The following BICRAL variants were observed in gnomAD, a reference collection of about 807,000 sequenced individuals.
BICRAL encodes BRD4-interacting chromatin-remodeling complex-associated protein-like.
BICRAL carries 8 observed loss-of-function variants against 91.8 expected under a neutral mutation model. The ratio of observed to expected loss-of-function variants is 0.09; its 90% CI spans 0.05 to 0.16. The LOEUF (loss-of-function observed/expected upper bound fraction) is 0.16. BICRAL is among the 10% of genes least tolerant of loss of function. BICRAL has a pLI of 1.00. For synonymous variants in BICRAL, 445 were observed against 491.1 expected, an observed-to-expected ratio of 0.91 and a Z score of 1.24; for missense variants, 1,038 against 1,310.9, an observed-to-expected ratio of 0.79 and a Z score of 3.21.
chr6:42,832,899 A>G (rs1317748531), intron 6 of BICRAL, among the ~76,000 whole-genome samples: 3 of 152,230 alleles, frequency 2.0e-5, no homozygotes, highest in East Asian at 1.9e-4. Context: ...CATTATTACA[A>G]TACTATAACT....
Position 42,822,083 on chromosome 6 carries a change from A to G in BICRAL, c.41+20A>G. 1 of 1,553,894 alleles carries G rather than the reference A, an allele frequency of 6.4e-7. No homozygotes were observed. ...TATTGGGTAAGATGCTTATTCCAAA[A>G]CCTGGGTAAATCAAATGTGTGAGGT... is the stretch of plus-strand genomic sequence containing the variant. On this transcript the variant is annotated intron_variant, in intron 3 of 12. Transcript: ENST00000314073.
chr6:42,827,742 C>T (rs1764344341), intron 5 of BICRAL, among the ~76,000 whole-genome samples: 2 of 152,110 alleles, frequency 1.3e-5, no homozygotes, highest in South Asian at 2.1e-4. Context: ...AAATTTAACT[C>T]GGTGTGGTGG....
rs2114062104 is a variant in BICRAL, at chr6:42,868,406, A to G, written c.*2960A>G. 1 of 152,464 alleles carries G rather than the reference A, an allele frequency of 6.6e-6. No homozygotes were observed. Among genetic ancestry groups the G allele is most frequent in the Non-Finnish European group, 1.5e-5 (1 of 67,960 alleles). 9.4% of individuals were successfully genotyped at this position (152,464 alleles called of 1,614,324 possible). A position where few individuals can be genotyped will look rare whatever the true frequency, so the allele number is the denominator to read the frequency against. ...AATGTTTTGTAAAAAAAAAAAAACT[A>G]TAACAAATTGCAGTTTATTTTGTTA... On this transcript the variant is annotated 3_prime_UTR_variant, in exon 13 of 13. Transcript: ENST00000314073.
At chr6:42,843,252 G>T (rs906987914) in intron 6 of BICRAL, among the ~76,000 whole-genome samples, 1 of 152,190 alleles carries the variant, frequency 6.6e-6, no homozygotes, top group Non-Finnish European at 1.5e-5. Context: ...GGTTTCCTGA[G>T]GTGGTGGTCT....
intron 6 of BICRAL, among the ~76,000 whole-genome samples, 160 bp from the exon 7 acceptor site, chr6:42,851,932 C>A (rs1248673721): frequency 6.6e-6 from 1 of 152,070 alleles, no homozygotes; most frequent in Non-Finnish European, 1.5e-5. Flanking sequence ...TTTGCAGTTC[C>A]CCTGAAGTGA....
intron 1 of BICRAL, among the ~76,000 whole-genome samples, chr6:42,785,814 G>A (rs1193185247): frequency 6.6e-6 from 1 of 152,038 alleles, no homozygotes; most frequent in Non-Finnish European, 1.5e-5. Flanking sequence ...CCAGCACTTC[G>A]GGAGGCCGAG....
chr6:42,817,439 T>G (rs1167779939), intron 2 of BICRAL, among the ~76,000 whole-genome samples: 1 of 151,990 alleles, frequency 6.6e-6, no homozygotes, highest in Non-Finnish European at 1.5e-5. Context: ...AAACTCACCC[T>G]TTTAAAGTAT....
At chr6:42,839,514 C>T (rs746653870) in intron 6 of BICRAL, among the ~76,000 whole-genome samples, 2 of 151,938 alleles carry the variant, frequency 1.3e-5, no homozygotes, top group Non-Finnish European at 2.9e-5. Flanking sequence ...AGACAAAGCA[C>T]TGTCATGAGC....
At chr6:42,766,637 G>C (rs1404622815) in intron 1 of BICRAL, among the ~76,000 whole-genome samples, 1 of 152,076 alleles carries the variant, frequency 6.6e-6, no homozygotes, top group Non-Finnish European at 1.5e-5. Context: ...TTAGCAGTTT[G>C]AGACCAGCCT....
Position 42,830,558 on chromosome 6 carries a change from C to CAA in BICRAL, c.1839+397_1839+398dup, listed in dbSNP as rs201936477. Among the ~76,000 whole-genome samples the CAA allele has an allele frequency of 6.7e-4, 99 of 147,302 alleles. 1 individual carries two copies. The South Asian group carries it at 0.019, about 29-fold the overall frequency. ...TGGGTGATAGAGTGAGACCCTGTCT[C>CAA]AAAAAAAAAAAATTTTTTTTTACAC... On this transcript the variant is annotated intron_variant, in intron 6 of 12. Coordinates refer to ENST00000314073, the MANE Select transcript of BICRAL (RefSeq NM_001393499.1).
intron 2 of BICRAL, among the ~76,000 whole-genome samples, chr6:42,817,622 G>C (rs1764029337): frequency 1.3e-5 from 2 of 151,994 alleles, no homozygotes; most frequent in South Asian, 4.2e-4. Flanking sequence ...TGGAACTACA[G>C]GTGTGCATCA....
At chr6:42,850,543 ACT>A (rs1202390316) in intron 6 of BICRAL, among the ~76,000 whole-genome samples, 1 of 151,450 alleles carries the variant, frequency 6.6e-6, no homozygotes, top group African/African-American at 2.4e-5. Context: ...CAAGAAAAAA[ACT>A]CTGAAAAGTT....
intron 1 of BICRAL, among the ~76,000 whole-genome samples, chr6:42,756,381 A>C (rs890999979): frequency 2.0e-5 from 3 of 151,890 alleles, no homozygotes; most frequent in African/African-American, 7.3e-5. Context: ...CCATCCCTTA[A>C]ATATAAGTGA....
At position 42,785,549 on chromosome 6, in the gene BICRAL, G is replaced by T. The variant is rs1390321808; in HGVS notation, c.-102+3448G>T. ...GCACTCCAGTCCGGGAAACAAGAAC[G>T]AAACTCCCATCTCAAAAAAAAAAAA... On this transcript the variant is annotated intron_variant, in intron 1 of 12. Coordinates refer to ENST00000314073, the MANE Select transcript of BICRAL (RefSeq NM_001393499.1). 7.7e-3 allele frequency among the ~76,000 whole-genome samples: 921 copies of T among 120,340 alleles called. 1 individual carries two copies. Among genetic ancestry groups the T allele is most frequent in the Non-Finnish European group, 0.012 (723 of 60,840 alleles). 78.9% of individuals were successfully genotyped at this position (120,340 alleles called of 152,430 possible).
At chr6:42,817,789 A>G (rs1395847898) in intron 2 of BICRAL, among the ~76,000 whole-genome samples, 1 of 151,978 alleles carries the variant, frequency 6.6e-6, no homozygotes, top group East Asian at 1.9e-4. Flanking sequence ...TACTAAAATA[A>G]TAATAATACT....
chr6:42,778,842 G>A (rs1445118673), upstream of BICRAL, among the ~76,000 whole-genome samples: 2 of 152,046 alleles, frequency 1.3e-5, no homozygotes, highest in Non-Finnish European at 2.9e-5. Context: ...GGGAGGGACG[G>A]AGTCTTGCTC....
intron 5 of BICRAL, 101 bp downstream of exon 5, chr6:42,823,104 C>A: frequency 1.4e-6 from 1 of 700,430 alleles, no homozygotes. Flanking sequence ...GAATCCTTAC[C>A]TTGTCTGTTG....
intron 10 of BICRAL, among the ~76,000 whole-genome samples, chr6:42,857,614 A>AAAAAAAAAAATATATAT: frequency 2.1e-5 from 2 of 96,238 alleles, no homozygotes; most frequent in South Asian, 6.6e-4. Flanking sequence ...AAAAAAAAAA[A>AAAAAAAAAAATATATAT]ATATATATAT....
Position 42,865,935 on chromosome 6 carries a change from AG to A in BICRAL, c.*490del, listed in dbSNP as rs1246892067. ...GGGTTTTTTTATTATTATTATTTTG[AG>A]TTTTTTTGTGTGTGTTTTGTTGTTA... On this transcript the variant is annotated 3_prime_UTR_variant, in exon 13 of 13. Coordinates refer to ENST00000314073, the MANE Select transcript of BICRAL (RefSeq NM_001393499.1). The A allele has an allele frequency of 6.6e-6, 1 of 152,562 alleles. No individual in the cohort carries two copies. The highest frequency in any genetic ancestry group is 2.4e-5 in the African/African-American group (1 of 41,318). The allele number at this position is 152,562 out of a possible 1,614,324, so 9.5% of individuals were successfully genotyped here.
Sources: allele counts gnomAD v4.1 joint callset (sites outside exome capture counted in the v4.1 genomes callset), GRCh38; gene constraint gnomAD v4.1.1; transcripts MANE v1.5; gene names NCBI Gene and HGNC (gene_info 2026-07-23, HGNC 2026-07-21).